Variants in NREP observed in about 807,000 individuals in gnomAD.
The protein encoded by NREP is neuronal regeneration related protein, also known as neuronal regeneration-related protein.
NREP carries 5 observed loss-of-function variants against 8.6 expected under a neutral mutation model. The observed-to-expected ratio is 0.58, with a 90% confidence interval of 0.30 to 1.22. The LOEUF (loss-of-function observed/expected upper bound fraction) is 1.22. Ranked by LOEUF, NREP falls within the 50% of genes most tolerant of loss-of-function variation. The pLI is 0.07. For synonymous variants in NREP, 27 were observed against 28.0 expected (o/e 0.96, Z 0.11); for missense variants, 86 against 82.5 (o/e 1.04, Z -0.17).
chr5:111,888,120 G>A (rs1754305627), intron 2 of NREP, among the ~76,000 whole-genome samples: 1 of 152,180 alleles, frequency 6.6e-6, no homozygotes. Context: ...AGGGGCTTTT[G>A]GGTCTAGAAA....
chr5:111,841,275 C>T (rs906177817), intron 2 of NREP, among the ~76,000 whole-genome samples: 2 of 152,142 alleles, frequency 1.3e-5, no homozygotes, highest in Non-Finnish European at 2.9e-5. Context: ...AGCTCCTTTC[C>T]TCCACTGGTC....
intron 2 of NREP, among the ~76,000 whole-genome samples, chr5:111,946,658 G>C (rs551662036): frequency 2.6e-5 from 4 of 152,034 alleles, no homozygotes; most frequent in African/African-American, 7.2e-5. Context: ...CTCTTTTTAA[G>C]AGGCTGACAC....
intron 2 of NREP, among the ~76,000 whole-genome samples, chr5:111,921,599 G>C (rs140433175): frequency 6.6e-5 from 10 of 152,130 alleles, no homozygotes; most frequent in African/African-American, 2.4e-4. Flanking sequence ...TCAATGGTTC[G>C]GGCAATGTCC....
At chr5:111,895,565 T>C (rs1754490430) in intron 2 of NREP, among the ~76,000 whole-genome samples, 1 of 151,926 alleles carries the variant, frequency 6.6e-6, no homozygotes, top group Non-Finnish European at 1.5e-5. Context: ...GAGAGGATAG[T>C]ATGGGTGAGG....
chr5:111,927,628 T>G (rs1277489045), intron 2 of NREP, among the ~76,000 whole-genome samples: 1 of 152,212 alleles, frequency 6.6e-6, no homozygotes, highest in Non-Finnish European at 1.5e-5. Context: ...ATAGATTTAC[T>G]GAGCACAAGA....
intron 2 of NREP, among the ~76,000 whole-genome samples, chr5:111,880,289 G>A (rs1336885525): frequency 1.3e-5 from 2 of 152,140 alleles, no homozygotes; most frequent in African/African-American, 4.8e-5. Context: ...ATTAAAATGT[G>A]TCTAAGTGGG....
intron 2 of NREP, among the ~76,000 whole-genome samples, chr5:111,872,915 TGGC>T (rs1753821842): frequency 6.6e-6 from 1 of 152,154 alleles, no homozygotes; most frequent in Admixed American, 6.6e-5. Context: ...TTCCTGGAAA[TGGC>T]TTTGGATTTT....
chr5:111,904,064 G>T lies in NREP; in HGVS notation c.135+71210C>A, dbSNP rs187355746. 1.2e-4 allele frequency among the ~76,000 whole-genome samples: 19 copies of T among 152,114 alleles called. No individual in the cohort carries two copies. The East Asian group carries it at 3.7e-3, about 29-fold the overall frequency. On this transcript the variant is annotated intron_variant, in intron 2 of 3. Coordinates refer to the NREP transcript ENST00000395634. ...TTTTTATAATTAATACACTATTTTT[G>T]GAGTAATTTTAGGCTTACAGAAAAT...
chr5:111,960,111 G>A (rs7735316), intron 2 of NREP, among the ~76,000 whole-genome samples: 81,313 of 151,908 alleles, frequency 0.54, 22,949 homozygotes, highest in African/African-American at 0.7. Context: ...ACAACTTTTT[G>A]AGTATAAAAA....
At chr5:111,748,003 G>C (rs551217544) in intron 2 of NREP, among the ~76,000 whole-genome samples, 1 of 152,150 alleles carries the variant, frequency 6.6e-6, no homozygotes, top group African/African-American at 2.4e-5. Flanking sequence ...AGACTATTGA[G>C]ACAAACTGTG....
chr5:111,885,648 A>G (rs1400717697), intron 2 of NREP, among the ~76,000 whole-genome samples: 1 of 152,136 alleles, frequency 6.6e-6, no homozygotes, highest in Admixed American at 6.5e-5. Context: ...AACAGAACAG[A>G]GCCCTCAGAA....
At chr5:111,926,584 G>T (rs988587457) in intron 2 of NREP, among the ~76,000 whole-genome samples, 6 of 151,948 alleles carry the variant, frequency 3.9e-5, no homozygotes, top group Non-Finnish European at 8.8e-5. Flanking sequence ...TGGTAAGGCC[G>T]CCCCCTTGTG....
chr5:111,729,287 G>A (rs1169252734), downstream of NREP: 1 of 152,172 alleles, frequency 6.6e-6, no homozygotes, highest in African/African-American at 2.4e-5. Context: ...CTTCAATGAT[G>A]AGCCAAATCA....
At chr5:111,826,834 CG>C (rs1752639758) in intron 2 of NREP, among the ~76,000 whole-genome samples, 1 of 152,072 alleles carries the variant, frequency 6.6e-6, no homozygotes, top group Non-Finnish European at 1.5e-5. Flanking sequence ...CACACCTAGC[CG>C]GAAGTATAAT....
intron 2 of NREP, among the ~76,000 whole-genome samples, chr5:111,735,945 G>A (rs1341450082): frequency 6.6e-6 from 1 of 152,198 alleles, no homozygotes; most frequent in African/African-American, 2.4e-5. Context: ...AAAGAAAGCA[G>A]CAGCCCAGAT....
At chr5:111,962,915 A>T (rs1017501415) in intron 2 of NREP, among the ~76,000 whole-genome samples, 1 of 152,172 alleles carries the variant, frequency 6.6e-6, no homozygotes, top group Non-Finnish European at 1.5e-5. Context: ...TCCATCACTA[A>T]ATAAAATTCT....
chr5:111,865,966 C>A (rs1029963412), intron 2 of NREP, among the ~76,000 whole-genome samples: 3 of 152,154 alleles, frequency 2.0e-5, no homozygotes, highest in African/African-American at 7.2e-5. Flanking sequence ...CTAAAATACA[C>A]GATGGGGACA....
upstream of NREP, chr5:111,757,887 C>T: frequency 1.0e-6 from 1 of 984,766 alleles, no homozygotes; most frequent in Non-Finnish European, 1.2e-6. Context: ...GCTGCACAGC[C>T]CGGCGGCCCG....
At chr5:111,805,046 G>T (rs1276144757) in intron 2 of NREP, among the ~76,000 whole-genome samples, 1 of 152,056 alleles carries the variant, frequency 6.6e-6, no homozygotes, top group Non-Finnish European at 1.5e-5. Context: ...TTGGAAAAAT[G>T]GGCATATGAC....
Sources: gnomAD v4.1 joint callset for allele counts (sites outside exome capture counted in the v4.1 genomes callset) on GRCh38, gnomAD v4.1.1 for gene constraint, MANE v1.5 for transcripts, NCBI Gene and HGNC (gene_info 2026-07-23, HGNC 2026-07-21) for gene names.